The following CMSS1 variants were observed in gnomAD, a reference collection of about 807,000 sequenced individuals.
The protein encoded by CMSS1 is protein CMSS1.
Under a neutral mutation model 43.5 loss-of-function variants are expected in CMSS1, and 33 were observed. That is an observed-to-expected ratio of 0.76 (90% confidence interval 0.57 to 1.01). The LOEUF (loss-of-function observed/expected upper bound fraction) is 1.01. Among genes scored for constraint, CMSS1 ranks in the 50% least tolerant of loss-of-function variants. CMSS1 has a pLI of 0.00. For missense variants in CMSS1, 313 were observed against 326.4 expected (o/e 0.96, Z 0.32); for synonymous variants, 115 against 117.2 (o/e 0.98, Z 0.12).
At chr3:99,828,377 GA>G (rs1416498602) in intron 1 of CMSS1, among the ~76,000 whole-genome samples, 2 of 149,408 alleles carry the variant, frequency 1.3e-5, no homozygotes, top group Non-Finnish European at 3.0e-5. Flanking sequence ...TGCTCTATGT[GA>G]GGCACAATAC....
intron 1 of CMSS1, among the ~76,000 whole-genome samples, chr3:99,864,530 T>C (rs1450786603): frequency 2.0e-5 from 3 of 152,166 alleles, no homozygotes; most frequent in Non-Finnish European, 4.4e-5. Flanking sequence ...TCTGTGTTCT[T>C]TCTACCTAAC....
chr3:100,083,733 A>ATTTGTTTG (rs1269716936), intron 1 of CMSS1, among the ~76,000 whole-genome samples: 38 of 152,122 alleles, frequency 2.5e-4, no homozygotes, highest in African/African-American at 9.2e-4. Context: ...TAACATCACC[A>ATTTGTTTG]TTTCTTTGTT....
chr3:100,094,480 T>G (rs1210940034), intron 1 of CMSS1, among the ~76,000 whole-genome samples: 3 of 152,114 alleles, frequency 2.0e-5, no homozygotes, highest in Non-Finnish European at 2.9e-5. Flanking sequence ...CTTTTGGTGT[T>G]AAGTATAAAA....
At chr3:100,171,340 G>GC (rs1438596089) in intron 6 of CMSS1, among the ~76,000 whole-genome samples, 1 of 151,770 alleles carries the variant, frequency 6.6e-6, no homozygotes, top group Non-Finnish European at 1.5e-5. Context: ...AAGGATAGAA[G>GC]CCCCCCCTCT....
At chr3:99,860,850 C>T (rs1944214876) in intron 1 of CMSS1, among the ~76,000 whole-genome samples, 3 of 152,086 alleles carry the variant, frequency 2.0e-5, no homozygotes, top group Admixed American at 1.3e-4. Flanking sequence ...CTAGTAAGAA[C>T]CTTTGGACAA....
At chr3:99,869,862 G>T (rs1455271183) in intron 1 of CMSS1, among the ~76,000 whole-genome samples, 1 of 152,122 alleles carries the variant, frequency 6.6e-6, no homozygotes, top group African/African-American at 2.4e-5. Context: ...AATAAATCTG[G>T]CAGATTTGCT....
rs571102554 is a variant in CMSS1, at chr3:100,138,386, A to G, written c.65-8587A>G. Among the ~76,000 whole-genome samples the G allele has an allele frequency of 2.0e-5, 3 of 152,348 alleles. No individual in the cohort carries two copies. The South Asian group carries it at 6.2e-4, about 32-fold the overall frequency. ...GAGCTTCTGCACAGCAAAAGAAACT[A>G]TCATCAGAGTGAACAGGCAACCTAT... On this transcript the variant is annotated intron_variant, in intron 1 of 9. Coordinates refer to ENST00000421999, the MANE Select transcript of CMSS1 (RefSeq NM_032359.4).
intron 1 of CMSS1, among the ~76,000 whole-genome samples, chr3:100,141,097 C>G (rs1281814535): frequency 2.0e-5 from 3 of 152,252 alleles, no homozygotes; most frequent in African/African-American, 7.2e-5. Context: ...AGGTTTCCTA[C>G]ATTCCAAACC....
At chr3:100,016,637 A>G (rs1171103319) in intron 1 of CMSS1, among the ~76,000 whole-genome samples, 1 of 152,234 alleles carries the variant, frequency 6.6e-6, no homozygotes, top group Non-Finnish European at 1.5e-5. Flanking sequence ...ATATGCATAT[A>G]AAATAGGAGT....
At chr3:100,109,415 A>G (rs911525894) in intron 1 of CMSS1, among the ~76,000 whole-genome samples, 2 of 152,196 alleles carry the variant, frequency 1.3e-5, no homozygotes, top group Non-Finnish European at 2.9e-5. Context: ...TGTAACCACC[A>G]TTATAGTCAA....
At chr3:100,156,349 C>T (rs975419366) in intron 2 of CMSS1, among the ~76,000 whole-genome samples, 55 of 132,556 alleles carry the variant, frequency 4.1e-4, no homozygotes, top group Non-Finnish European at 6.7e-4. Context: ...GGCTCTGTCA[C>T]CCAGGCTGGA....
At chr3:100,136,016 C>T (rs1053238268) in intron 1 of CMSS1, among the ~76,000 whole-genome samples, 1 of 152,156 alleles carries the variant, frequency 6.6e-6, no homozygotes, top group Admixed American at 6.5e-5. Context: ...TTGGAATGTA[C>T]ATCAGGCTAT....
chr3:99,946,366 G>A (rs979841842), intron 1 of CMSS1, among the ~76,000 whole-genome samples: 10 of 152,150 alleles, frequency 6.6e-5, no homozygotes, highest in Non-Finnish European at 1.3e-4. Context: ...TTTTTGTTAC[G>A]GAAAAGGAGT....
At chr3:99,831,345 C>T (rs897238257) in intron 1 of CMSS1, among the ~76,000 whole-genome samples, 2 of 152,184 alleles carry the variant, frequency 1.3e-5, no homozygotes, top group Non-Finnish European at 2.9e-5. Context: ...AAAATGCACC[C>T]ATGCTATTGG....
chr3:100,161,763 C>T (rs772992896), intron 3 of CMSS1, among the ~76,000 whole-genome samples: 3 of 152,130 alleles, frequency 2.0e-5, no homozygotes, highest in Non-Finnish European at 4.4e-5. Context: ...TTCTACTTTG[C>T]ATAGGGCCAC....
chr3:100,093,526 C>T (rs116431974), intron 1 of CMSS1, among the ~76,000 whole-genome samples: 2,546 of 152,044 alleles, frequency 0.017, 33 homozygotes, highest in Middle Eastern at 0.031. Context: ...TGCATTTGTA[C>T]GGAATAATGC....
chr3:100,109,938 A>G (rs2066463235), intron 1 of CMSS1: 1 of 105,774 alleles, frequency 9.5e-6, no homozygotes, highest in Non-Finnish European at 1.8e-5. Flanking sequence ...CAGCCAAAGA[A>G]TCCTTAGTAA....
chr3:99,909,475 C>T (rs1171852682), intron 1 of CMSS1, among the ~76,000 whole-genome samples: 1 of 152,076 alleles, frequency 6.6e-6, no homozygotes, highest in Non-Finnish European at 1.5e-5. Flanking sequence ...ACAATAGTTA[C>T]TTGTTAACAA....
chr3:100,044,877 C>T (rs2065255459), intron 1 of CMSS1, among the ~76,000 whole-genome samples: 1 of 152,164 alleles, frequency 6.6e-6, no homozygotes, highest in South Asian at 2.1e-4. Flanking sequence ...GCTGACAGGA[C>T]TAGTGGCTCT....
Sources: allele counts gnomAD v4.1 joint callset (sites outside exome capture counted in the v4.1 genomes callset), GRCh38; gene constraint gnomAD v4.1.1; transcripts MANE v1.5; gene names NCBI Gene and HGNC (gene_info 2026-07-23, HGNC 2026-07-21).